The following POC1B variants were observed in gnomAD, a reference collection of about 807,000 sequenced individuals.
POC1B encodes POC1 centriolar protein homolog B.
A neutral mutation model predicts 60.6 loss-of-function variants in POC1B; 44 were observed. The ratio of observed to expected loss-of-function variants is 0.73; its 90% CI spans 0.57 to 0.93. The LOEUF is 0.93. Among genes scored for constraint, POC1B ranks in the 40% least tolerant of loss-of-function variants. The pLI, the probability that POC1B is intolerant of heterozygous loss-of-function variation, is 0.00. For missense variants in POC1B, 555 were observed against 572.3 expected, an observed-to-expected ratio of 0.97 and a Z score of 0.31; for synonymous variants, 180 against 198.9, an observed-to-expected ratio of 0.90 and a Z score of 0.80.
intron 4 of POC1B, among the ~76,000 whole-genome samples, chr12:89,490,086 A>AT (rs942921099): frequency 6.6e-6 from 1 of 152,182 alleles, no homozygotes; most frequent in Non-Finnish European, 1.5e-5. Flanking sequence ...GAGCCAGCAT[A>AT]TAGAGAGGCC....
intron 9 of POC1B, among the ~76,000 whole-genome samples, chr12:89,462,055 G>A (rs995439892): frequency 4.6e-5 from 7 of 151,948 alleles, no homozygotes; most frequent in African/African-American, 1.7e-4. Flanking sequence ...ATCACGTAGA[G>A]TCAGCACCTG....
At chr12:89,523,824 T>G (rs1290021161) in intron 2 of POC1B, 20 of 1,541,702 alleles carry the variant, frequency 1.3e-5, no homozygotes, top group African/African-American at 2.8e-5. Flanking sequence ...TCCCAATCCT[T>G]TCCAAAAGCG....
At chr12:89,434,906 G>T (rs1243665998) in intron 10 of POC1B, among the ~76,000 whole-genome samples, 4 of 152,060 alleles carry the variant, frequency 2.6e-5, no homozygotes. Flanking sequence ...AGGGATAAAA[G>T]ATTTTCATTT....
At chr12:89,524,927 C>G (rs1388039334) in intron 2 of POC1B, 193 bp downstream of exon 2, 2 of 895,156 alleles carry the variant, frequency 2.2e-6, no homozygotes, top group Non-Finnish European at 3.3e-6. Flanking sequence ...TTGGCCGGGC[C>G]GGGGGCTGGG....
At chr12:89,464,728 C>T (rs1383147465) in intron 9 of POC1B, among the ~76,000 whole-genome samples, 4 of 150,574 alleles carry the variant, frequency 2.7e-5, no homozygotes, top group African/African-American at 4.9e-5. Flanking sequence ...CATCATTAGC[C>T]GCCCACCTCG....
rs117805363 is a variant in POC1B, at chr12:89,493,420, G to A, written c.273-1305C>T. Among the ~76,000 whole-genome samples the A allele has an allele frequency of 9.6e-4, 146 of 152,268 alleles. 1 individual carries two copies. The East Asian group carries it at 0.011, about 11-fold the overall frequency. ...CACTTGGAACAGTCAATAAAGGCTCGTAGATCCAACCTGGCTTACCCTTCC... is the reference window on the plus strand; with the variant it reads ...CACTTGGAACAGTCAATAAAGGCTCATAGATCCAACCTGGCTTACCCTTCC... On this transcript the variant is annotated intron_variant, in intron 3 of 11. Coordinates refer to ENST00000313546, the MANE Select transcript of POC1B (RefSeq NM_172240.3).
intron 2 of POC1B, among the ~76,000 whole-genome samples, chr12:89,507,222 G>A (rs938573657): frequency 6.5e-5 from 8 of 122,326 alleles, no homozygotes; most frequent in Admixed American, 3.3e-4. Flanking sequence ...CCACGATTGC[G>A]CCACTGCACT....
intron 10 of POC1B, among the ~76,000 whole-genome samples, chr12:89,436,495 C>A (rs924562054): frequency 1.2e-4 from 19 of 152,070 alleles, no homozygotes; most frequent in African/African-American, 4.3e-4. Flanking sequence ...GGGTGGATGA[C>A]CTCAGGTCAG....
intron 9 of POC1B, among the ~76,000 whole-genome samples, chr12:89,466,240 G>A (rs565835920): frequency 2.0e-5 from 3 of 152,236 alleles, no homozygotes; most frequent in African/African-American, 7.2e-5. Context: ...TAAATTCATA[G>A]GACCTAAGGG....
intron 4 of POC1B, among the ~76,000 whole-genome samples, chr12:89,476,747 TAGATAGATAGATAGAC>T (rs79708775): frequency 0.071 from 9,156 of 128,204 alleles, 289 homozygotes; most frequent in East Asian, 0.13. Flanking sequence ...GATAGATAGA[TAGATAGATAGATAGAC>T]AGACAGACAG....
At chr12:89,454,264 C>A (rs148513429) in intron 10 of POC1B, among the ~76,000 whole-genome samples, 3 of 152,342 alleles carry the variant, frequency 2.0e-5, no homozygotes, top group Non-Finnish European at 4.4e-5. Flanking sequence ...AATCCCACAG[C>A]TGACATTCAC....
chr12:89,443,495 G>C (rs1881624105), intron 10 of POC1B, among the ~76,000 whole-genome samples: 1 of 151,964 alleles, frequency 6.6e-6, no homozygotes, highest in African/African-American at 2.4e-5. Context: ...ACCTGCTCCT[G>C]AATGACTACT....
At chr12:89,522,426 T>C in intron 2 of POC1B, 1 of 370,738 alleles carries the variant, frequency 2.7e-6, no homozygotes, top group Non-Finnish European at 4.8e-6. Flanking sequence ...ATGAGTTTTG[T>C]TAAAAAGTGG....
At chr12:89,482,373 G>A (rs1300743330) in intron 4 of POC1B, among the ~76,000 whole-genome samples, 1 of 152,050 alleles carries the variant, frequency 6.6e-6, no homozygotes, top group African/African-American at 2.4e-5. Flanking sequence ...ACATGAATCT[G>A]GAGCTTCAGA....
chr12:89,446,764 A>G (rs1592592890), intron 10 of POC1B, among the ~76,000 whole-genome samples: 1 of 152,182 alleles, frequency 6.6e-6, no homozygotes, highest in African/African-American at 2.4e-5. Context: ...CCTATAGGAA[A>G]GATTATATAA....
intron 9 of POC1B, chr12:89,461,722 AAAG>A (rs1247432810): frequency 1.3e-5 from 2 of 152,196 alleles, no homozygotes; most frequent in Non-Finnish European, 1.5e-5. Flanking sequence ...ATGCTATAGT[AAAG>A]AAGGAATAAA....
chr12:89,415,515 T>C (rs1289053362), downstream of POC1B, among the ~76,000 whole-genome samples: 1 of 151,834 alleles, frequency 6.6e-6, no homozygotes, highest in South Asian at 2.1e-4. Flanking sequence ...TGGTAGCGGG[T>C]GCCTGTAGTC....
intron 10 of POC1B, among the ~76,000 whole-genome samples, chr12:89,453,008 TCTC>T (rs1259077704): frequency 1.3e-5 from 2 of 152,152 alleles, no homozygotes; most frequent in Non-Finnish European, 2.9e-5. Context: ...TAATATTTTC[TCTC>T]CTTTCTCTAT....
intron 4 of POC1B, among the ~76,000 whole-genome samples, chr12:89,475,259 AG>A (rs1883057279): frequency 6.6e-6 from 1 of 152,200 alleles, no homozygotes; most frequent in African/African-American, 2.4e-5. Flanking sequence ...GAGGGCCCAT[AG>A]CTGGGAGAAA....
Sources: gnomAD v4.1 joint callset for allele counts (sites outside exome capture counted in the v4.1 genomes callset) on GRCh38, gnomAD v4.1.1 for gene constraint, MANE v1.5 for transcripts, NCBI Gene and HGNC (gene_info 2026-07-23, HGNC 2026-07-21) for gene names.